Variants in CRB1 observed in about 807,000 individuals in gnomAD.
The protein encoded by CRB1 is protein crumbs homolog 1.
CRB1 carries 83 observed loss-of-function variants against 120.0 expected under a neutral mutation model. The observed-to-expected ratio is 0.69, with a 90% CI of 0.58 to 0.83. The LOEUF (loss-of-function observed/expected upper bound fraction) is 0.83, where lower values mean the gene tolerates loss of function less well. Among genes scored for constraint, CRB1 ranks in the 40% least tolerant of loss-of-function variants. The probability of loss-of-function intolerance (pLI) is 0.00; values close to 1 mark genes in which losing one functional copy is unlikely to be tolerated. For missense variants in CRB1, 1,699 were observed against 1,687.6 expected (o/e 1.01, Z -0.12); for synonymous variants, 625 against 612.5 (o/e 1.02, Z -0.30).
At chr1:197,255,304 T>G in the CRB1 span, among the ~76,000 whole-genome samples, 63 of 152,160 alleles carry the variant, frequency 4.1e-4, no homozygotes, top group South Asian at 0.013. Context: ...CCTTATGAAA[T>G]TATGTGTGAT....
Position 197,420,877 on chromosome 1 carries a change from T to C in CRB1, c.1172-123T>C, listed in dbSNP as rs1664267312. 83 of 729,692 alleles carry C rather than the reference T, an allele frequency of 1.1e-4. No individual in the cohort carries two copies. In the South Asian group the frequency reaches 1.2e-3, roughly 11 times the overall value. The allele number at this position is 729,692 out of a possible 1,614,324, so 45.2% of individuals were successfully genotyped here. A position where few individuals can be genotyped will look rare whatever the true frequency, so the allele number is the denominator to read the frequency against. On this transcript the variant is annotated intron_variant, in intron 5 of 11. Transcript: ENST00000367400. The stretch of plus-strand genomic sequence containing the variant: ...TCCTTATTAAGTGTTTACATTTTAC[T>C]CCATTACAGTCCTAAACCTGAGCTA...
chr1:197,415,071 AATT>A (rs1663906489), intron 5 of CRB1, among the ~76,000 whole-genome samples: 1 of 152,220 alleles, frequency 6.6e-6, no homozygotes, highest in East Asian at 1.9e-4. Flanking sequence ...CACATAATCA[AATT>A]ATTGACATTT....
chr1:197,419,072 T>C (rs563465083), intron 5 of CRB1, among the ~76,000 whole-genome samples: 1 of 152,334 alleles, frequency 6.6e-6, no homozygotes, highest in South Asian at 2.1e-4. Flanking sequence ...AATATTTACA[T>C]GTCTTAACTG....
At chr1:197,438,152 G>A (rs1182525769) in intron 9 of CRB1, 1 of 277,364 alleles carries the variant, frequency 3.6e-6, no homozygotes, top group Admixed American at 4.8e-5. Context: ...TGCTTGGGTA[G>A]TAGAGTGCTG....
At chr1:197,327,091 CAAAAAAAAAAAAAAAAAAA>C (rs71131753) in intron 1 of CRB1, among the ~76,000 whole-genome samples, 56 of 25,700 alleles carry the variant, frequency 2.2e-3, no homozygotes, top group East Asian at 7.5e-3. Context: ...TCTCACACAC[CAAAAAAAAAAAAAAAAAAA>C]AAAAAAAAAA....
At chr1:197,476,295 A>T (rs1667191855) in intron 11 of CRB1, among the ~76,000 whole-genome samples, 1 of 151,492 alleles carries the variant, frequency 6.6e-6, no homozygotes, top group South Asian at 2.1e-4. Context: ...ATCTTGCTCC[A>T]CCTACTCCTC....
At chr1:197,225,018 T>A in the CRB1 span, among the ~76,000 whole-genome samples, 1 of 152,186 alleles carries the variant, frequency 6.6e-6, no homozygotes, top group Non-Finnish European at 1.5e-5. Context: ...GGCTAGGTGT[T>A]AGGCACAGTT....
chr1:197,304,385 T>A lies in CRB1; in HGVS notation c.71-24037T>A, dbSNP rs1657048664. On this transcript the variant is annotated intron_variant, in intron 1 of 11. Coordinates refer to ENST00000367400, the MANE Select transcript of CRB1 (RefSeq NM_201253.3). The stretch of plus-strand genomic sequence containing the variant: ...TCCACATCTAGGGAGGACACATCTA[T>A]GACTAGCAGTGGCATGTGCTCAGGA... 3.1e-6 allele frequency: 3 copies of A among 982,446 alleles called. No homozygotes were observed. In the Admixed American group the frequency reaches 1.8e-4, roughly 60 times the overall value. The allele number at this position is 982,446 out of a possible 1,614,324, so 60.9% of individuals were successfully genotyped here.
intron 11 of CRB1, among the ~76,000 whole-genome samples, chr1:197,470,041 T>A (rs1666913310): frequency 6.6e-6 from 1 of 152,164 alleles, no homozygotes. Context: ...GAGGTTTTTA[T>A]TACGTAAAAA....
At chr1:197,318,361 T>C (rs1657978777) in intron 1 of CRB1, among the ~76,000 whole-genome samples, 2 of 152,142 alleles carry the variant, frequency 1.3e-5, no homozygotes, top group South Asian at 4.1e-4. Flanking sequence ...TTGGTGAGGA[T>C]GTGGAGAAAA....
intron 5 of CRB1, among the ~76,000 whole-genome samples, chr1:197,362,426 A>G (rs1470298697): frequency 6.6e-6 from 1 of 152,132 alleles, no homozygotes; most frequent in Non-Finnish European, 1.5e-5. Flanking sequence ...CTGATACAGA[A>G]TAGCACTGTC....
intron 3 of CRB1, among the ~76,000 whole-genome samples, chr1:197,346,290 GAAAA>G (rs201746647): frequency 7.2e-6 from 1 of 138,172 alleles, no homozygotes; most frequent in Non-Finnish European, 1.6e-5. Context: ...AATCAGAACT[GAAAA>G]AAAAAAAAAG....
chr1:197,223,245 G>T, the CRB1 span: 6 of 1,006,144 alleles, frequency 6.0e-6, no homozygotes, highest in African/African-American at 8.1e-5. Flanking sequence ...CAGAAGATTC[G>T]AATAGATTGA....
chr1:197,384,724 T>C (rs1662126389), intron 5 of CRB1, among the ~76,000 whole-genome samples: 1 of 152,092 alleles, frequency 6.6e-6, no homozygotes, highest in South Asian at 2.1e-4. Context: ...ACCTAAATTA[T>C]TCCCCAAAGC....
At chr1:197,442,442 G>GA (rs753013922) in intron 11 of CRB1, 150 bp downstream of exon 11, 160 of 1,535,702 alleles carry the variant, frequency 1.0e-4, no homozygotes, top group Admixed American at 3.4e-4. Context: ...ATTCCCAAAT[G>GA]AAAAAAAAAG....
Position 197,454,075 on chromosome 1 carries a change from C to T in CRB1, c.4005+11783C>T, listed in dbSNP as rs572169320. 1.8e-4 allele frequency among the ~76,000 whole-genome samples: 27 copies of T among 150,434 alleles called. 1 individual carries two copies. The South Asian group carries it at 5.6e-3, about 31-fold the overall frequency. ...TCCCAGGCTCAAGCAATCCTCCTGC[C>T]CTGGCCTCCCAAAGTGCTGGGATTA... On this transcript the variant is annotated intron_variant, in intron 11 of 11. Coordinates refer to ENST00000367400, the MANE Select transcript of CRB1 (RefSeq NM_201253.3).
At chr1:197,469,288 G>A (rs760342867) in intron 11 of CRB1, among the ~76,000 whole-genome samples, 28 of 152,180 alleles carry the variant, frequency 1.8e-4, no homozygotes, top group Non-Finnish European at 4.1e-4. Context: ...GATATAGTTC[G>A]TTCCCACGAC....
intron 1 of CRB1, among the ~76,000 whole-genome samples, chr1:197,279,698 G>A (rs943824752): frequency 1.3e-5 from 2 of 151,660 alleles, no homozygotes; most frequent in African/African-American, 2.4e-5. Context: ...TTGCATAAAC[G>A]TAGTTTTTTC....
At chr1:197,325,146 A>G (rs1658422008) in intron 1 of CRB1, among the ~76,000 whole-genome samples, 1 of 152,136 alleles carries the variant, frequency 6.6e-6, no homozygotes, top group South Asian at 2.1e-4. Flanking sequence ...CTGCCTTACC[A>G]TGTGCAAGCC....
Sources: gnomAD v4.1 joint callset for allele counts (sites outside exome capture counted in the v4.1 genomes callset) on GRCh38, gnomAD v4.1.1 for gene constraint, MANE v1.5 for transcripts, NCBI Gene and HGNC (gene_info 2026-07-23, HGNC 2026-07-21) for gene names.